Variants in KIF13B observed in about 807,000 individuals in gnomAD.
The protein encoded by KIF13B is kinesin-like protein KIF13B.
In KIF13B, 127 loss-of-function variants were observed where a neutral mutation model predicts 222.0. The observed-to-expected ratio is 0.57, with a 90% CI of 0.50 to 0.66. The LOEUF (loss-of-function observed/expected upper bound fraction) is 0.66. Ranked by LOEUF, KIF13B falls within the 30% of genes least tolerant of loss-of-function variation. KIF13B has a pLI of 0.00. For synonymous variants in KIF13B, 976 were observed against 919.0 expected, an observed-to-expected ratio of 1.06 and a Z score of -1.12; for missense variants, 2,173 against 2,379.0, an observed-to-expected ratio of 0.91 and a Z score of 1.80.
chr8:29,260,297 T>C (rs1187311777), intron 1 of KIF13B, among the ~76,000 whole-genome samples: 1 of 152,222 alleles, frequency 6.6e-6, no homozygotes, highest in Non-Finnish European at 1.5e-5. Context: ...CAGAGTTTTC[T>C]GGAAATTTTC....
intron 1 of KIF13B, among the ~76,000 whole-genome samples, chr8:29,258,037 T>A (rs1274011776): frequency 6.6e-6 from 1 of 152,172 alleles, no homozygotes. Flanking sequence ...AAAACAAGTA[T>A]CTTCTGTTTT....
intron 3 of KIF13B, among the ~76,000 whole-genome samples, chr8:29,191,258 C>T (rs902615318): frequency 6.6e-6 from 1 of 152,158 alleles, no homozygotes; most frequent in Non-Finnish European, 1.5e-5. Flanking sequence ...AAACTATTCA[C>T]AAAATGTGTA....
chr8:29,185,895 C>T (rs140345283), intron 6 of KIF13B, among the ~76,000 whole-genome samples: 351 of 152,294 alleles, frequency 2.3e-3, no homozygotes, highest in African/African-American at 8.1e-3. Context: ...AGAGTCAAAC[C>T]AGCGTTTGTG....
At chr8:29,157,392 CAAAAAA>C (rs371702237) in intron 13 of KIF13B, among the ~76,000 whole-genome samples, 45 of 89,162 alleles carry the variant, frequency 5.0e-4, no homozygotes, top group South Asian at 8.6e-4. Flanking sequence ...TCGTCTCTAC[CAAAAAA>C]AAAAAAAAAA....
chr8:29,229,188 G>A (rs1301693226), intron 2 of KIF13B, among the ~76,000 whole-genome samples: 1 of 150,456 alleles, frequency 6.6e-6, no homozygotes, highest in East Asian at 2.0e-4. Flanking sequence ...AATAACTGCT[G>A]AATGTCTTTA....
At chr8:29,110,781 G>A (rs1809320995) in intron 32 of KIF13B, 1 of 152,222 alleles carries the variant, frequency 6.6e-6, no homozygotes, top group African/African-American at 2.4e-5. Flanking sequence ...CTTTATTAAT[G>A]TATTTAGTTA....
At chr8:29,187,757 A>G (rs1289187715) in intron 5 of KIF13B, among the ~76,000 whole-genome samples, 1 of 152,206 alleles carries the variant, frequency 6.6e-6, no homozygotes, top group Non-Finnish European at 1.5e-5. Flanking sequence ...TATTGTTATC[A>G]TAATACCTAA....
At chr8:29,147,681 T>A in intron 16 of KIF13B, 79 bp from the exon 17 acceptor site, 1 of 1,085,786 alleles carries the variant, frequency 9.2e-7, no homozygotes, top group South Asian at 1.4e-5. Context: ...TATGGTAATG[T>A]TGTCTGTCAT....
chr8:29,105,513 GGGTTC>G (rs1809013274), intron 35 of KIF13B, among the ~76,000 whole-genome samples: 1 of 152,076 alleles, frequency 6.6e-6, no homozygotes, highest in Admixed American at 6.5e-5. Flanking sequence ...TGCCCTGGCT[GGGTTC>G]TAATAGCATC....
intron 16 of KIF13B, among the ~76,000 whole-genome samples, chr8:29,148,228 A>T (rs1197768027): frequency 6.6e-6 from 1 of 152,216 alleles, no homozygotes; most frequent in Non-Finnish European, 1.5e-5. Context: ...AAAATAAACA[A>T]GAGAGATTCT....
At chr8:29,181,444 ACT>A (rs1221219752) in intron 7 of KIF13B, among the ~76,000 whole-genome samples, 1 of 152,168 alleles carries the variant, frequency 6.6e-6, no homozygotes, top group African/African-American at 2.4e-5. Flanking sequence ...GTTTCAAATA[ACT>A]CTGATACATT....
chr8:29,196,865 G>A (rs1340202236), intron 2 of KIF13B, among the ~76,000 whole-genome samples: 2 of 152,078 alleles, frequency 1.3e-5, no homozygotes, highest in Non-Finnish European at 2.9e-5. Flanking sequence ...TGAGTGTTAC[G>A]TGGGTACTCA....
intron 1 of KIF13B, among the ~76,000 whole-genome samples, chr8:29,261,909 G>A (rs1337964681): frequency 6.6e-6 from 1 of 152,050 alleles, no homozygotes. Flanking sequence ...AGAAAGCAAA[G>A]AAGAGGAAAA....
intron 2 of KIF13B, among the ~76,000 whole-genome samples, chr8:29,218,425 T>G (rs1814591452): frequency 6.6e-6 from 1 of 152,224 alleles, no homozygotes; most frequent in African/African-American, 2.4e-5. Context: ...CTGTTAGACA[T>G]GAGACCTTAA....
rs2117174691 is a variant in KIF13B, at chr8:29,256,618, G to A, written c.55+6362C>T. ...CATCTTTGAAAATGGTGTCATCTCAGGATAGCAAGATCCTCTTAAAGATAA... is the reference window on the plus strand; with the variant it reads ...CATCTTTGAAAATGGTGTCATCTCAAGATAGCAAGATCCTCTTAAAGATAA... On this transcript the variant is annotated intron_variant, in intron 1 of 39. Transcript: ENST00000524189. 1.3e-5 allele frequency among the ~76,000 whole-genome samples: 2 copies of A among 152,310 alleles called. 1 individual carries two copies. Among genetic ancestry groups the A allele is most frequent in the South Asian group, 4.2e-4 (2 of 4,816 alleles).
intron 23 of KIF13B, 43 bp downstream of exon 23, chr8:29,132,265 T>A (rs761272872): frequency 7.5e-7 from 1 of 1,340,342 alleles, no homozygotes; most frequent in Non-Finnish European, 9.7e-7. Flanking sequence ...AAAAAAAAAA[T>A]TACATATATA....
At chr8:29,107,657 T>C (rs1040588440) in intron 35 of KIF13B, among the ~76,000 whole-genome samples, 2 of 147,402 alleles carry the variant, frequency 1.4e-5, no homozygotes, top group Non-Finnish European at 3.0e-5. Flanking sequence ...CCCCCCGGGG[T>C]TCACACCATT....
At chr8:29,212,013 C>T (rs747538583) in intron 2 of KIF13B, among the ~76,000 whole-genome samples, 9 of 152,134 alleles carry the variant, frequency 5.9e-5, no homozygotes, top group African/African-American at 9.7e-5. Context: ...CATTCATGCA[C>T]ACCCAGCATG....
chr8:29,222,410 C>G (rs973193379), intron 2 of KIF13B, among the ~76,000 whole-genome samples: 14 of 145,972 alleles, frequency 9.6e-5, no homozygotes, highest in African/African-American at 3.6e-4. Flanking sequence ...ATTTTGTTTT[C>G]TTTATTTTGG....
Sources: allele counts gnomAD v4.1 joint callset (sites outside exome capture counted in the v4.1 genomes callset), GRCh38; gene constraint gnomAD v4.1.1; transcripts MANE v1.5; gene names NCBI Gene and HGNC (gene_info 2026-07-23, HGNC 2026-07-21).